MYCL: variants seen among roughly 807,000 people sequenced by gnomAD.
MYCL encodes protein L-Myc.
Under a neutral mutation model 31.0 loss-of-function variants are expected in MYCL, and 11 were observed. The ratio of observed to expected loss-of-function variants is 0.35; its 90% confidence interval spans 0.22 to 0.59. The LOEUF (loss-of-function observed/expected upper bound fraction) is 0.59. Ranked by LOEUF, MYCL falls within the 20% of genes least tolerant of loss-of-function variation. The pLI is 0.79. For missense variants in MYCL, 427 were observed against 486.1 expected, an observed-to-expected ratio of 0.88 and a Z score of 1.14; for synonymous variants, 208 against 202.4, an observed-to-expected ratio of 1.03 and a Z score of -0.23.
chr1:39,899,700 G>C, intron 1 of MYCL: 2 of 985,344 alleles, frequency 2.0e-6, no homozygotes, highest in Non-Finnish European at 2.4e-6. Flanking sequence ...TAGAAAGCAA[G>C]CTGGTTAAAA....
At position 39,899,994 on chromosome 1, in the gene MYCL, C is replaced by A. The variant is rs138185221; in HGVS notation, c.496+945G>T. The stretch of plus-strand genomic sequence containing the variant: ...ATGTAGTTTAGTGGCACAGGATGCC[C>A]CAGTCTGCCCTCAGCGAGGTTGCAC... On this transcript the variant is annotated intron_variant, in intron 1 of 1. Coordinates refer to ENST00000372816, the MANE Select transcript of MYCL (RefSeq NM_001033081.3). The A allele has an allele frequency of 3.1e-4, 307 of 985,450 alleles. No homozygotes were observed. In the African/African-American group the frequency reaches 5.2e-3, roughly 17 times the overall value. 61.0% of individuals were successfully genotyped at this position (985,450 alleles called of 1,614,324 possible).
In MYCL at chr1:39,901,811, G is replaced by A. The variant is rs984937174; in HGVS notation, c.-377C>T. ...CCCTGGCCACCCGCAGCCTCACCTC[G>A]CTCCAGCCGCCCGCCACCTGGAGCG... On this transcript the variant is annotated 5_prime_UTR_variant, in exon 1 of 2. Transcript: ENST00000372816. This position sits in a 1 kb window ranked among gnomAD's most constrained non-coding sequence, Gnocchi z 6.9. 1 of 1,275,648 alleles carries A rather than the reference G, an allele frequency of 7.8e-7. No individual in the cohort carries two copies. The highest frequency in any genetic ancestry group is 1.0e-6 in the Non-Finnish European group (1 of 999,768). 79.0% of individuals were successfully genotyped at this position (1,275,648 alleles called of 1,614,324 possible).
chr1:39,901,755 G>A lies in MYCL; in HGVS notation c.-321C>T. 8.2e-7 allele frequency: 1 copy of A among 1,217,744 alleles called. No homozygotes were observed. The highest frequency in any genetic ancestry group is 2.7e-5 in the South Asian group (1 of 36,540). 75.4% of individuals were successfully genotyped at this position (1,217,744 alleles called of 1,614,324 possible). A position where few individuals can be genotyped will look rare whatever the true frequency, so the allele number is the denominator to read the frequency against. Reference sequence around the variant, plus strand: ...CGCCGTGCCCAGAAGGCAGCCTGCAGCCAGCCCGCACCGCGGGACCCGCGC... The same window carrying A: ...CGCCGTGCCCAGAAGGCAGCCTGCAACCAGCCCGCACCGCGGGACCCGCGC... On this transcript the variant is annotated 5_prime_UTR_variant, in exon 1 of 2. Transcript: ENST00000372816. This position sits in a 1 kb window ranked among gnomAD's most constrained non-coding sequence, Gnocchi z 6.9.
At chr1:39,899,625 T>C in intron 1 of MYCL, 2 of 985,398 alleles carry the variant, frequency 2.0e-6, no homozygotes, top group Non-Finnish European at 2.4e-6. Context: ...TAGAGATACA[T>C]CTTTATTGGT....
rs988669391 is a variant in MYCL, at chr1:39,897,179, G to A, written c.*193C>T. On this transcript the variant is annotated 3_prime_UTR_variant, in exon 2 of 2. Transcript: ENST00000372816. The surrounding 1 kb of genome is among the most constrained non-coding windows in gnomAD (Gnocchi z 4.3). ...TACAGCACTCCCATGAGTCAGGGAA[G>A]AGGGAGAGCTGGGTTTCAAGGTTTC... 7.8e-6 allele frequency: 5 copies of A among 641,814 alleles called. No homozygotes were observed. The highest frequency in any genetic ancestry group is 7.2e-5 in the African/African-American group (4 of 55,454). The allele number at this position is 641,814 out of a possible 1,614,324, so 39.8% of individuals were successfully genotyped here.
Position 39,901,015 on chromosome 1 carries a change from C to T in MYCL, c.420G>A (p.Pro140=), listed in dbSNP as rs1438270489. ...DCTPSLEAGN[P]APAAPCPLGE... ...CCAGCGGACAGGGGGCGGCGGGCGC[C>T]GGGTTGCCGGCTTCGAGGCTGGGAG... The change falls in exon 1 of 2, where the codon CCG becomes CCA. Residue 140 remains proline (P), a synonymous_variant. Transcript: ENST00000372816. The surrounding 1 kb of genome is among the most constrained non-coding windows in gnomAD (Gnocchi z 6.9). 9 of 1,492,318 alleles carry T rather than the reference C, an allele frequency of 6.0e-6. No homozygotes were observed. The highest frequency in any genetic ancestry group is 7.1e-6 in the Non-Finnish European group (8 of 1,122,730). The allele number at this position is 1,492,318 out of a possible 1,614,324, so 92.4% of individuals were successfully genotyped here.
rs371524528 is a variant in MYCL at position 39,897,512 on chromosome 1, T to C, written c.955A>G (p.Lys319Glu). The C allele has an allele frequency of 1.9e-6, 3 of 1,614,096 alleles. No homozygotes were observed. Among genetic ancestry groups the C allele is most frequent in the Non-Finnish European group, 2.5e-6 (3 of 1,180,046 alleles). ...AAGGCCTTGCTTAGGATCACTACTTTGGGGGCCTTGGAGCAGCTGGCCAGG... is the reference window on the plus strand; with the variant it reads ...AAGGCCTTGCTTAGGATCACTACTTCGGGGGCCTTGGAGCAGCTGGCCAGG... ...PTLASCSKAP[K>E]VVILSKALEY... is the part of the protein sequence containing the mutation. The change falls in exon 2 of 2, where the codon AAA (lysine) becomes GAA (glutamate). Residue 319 changes from lysine (K) to glutamate (E), a missense_variant. Transcript: ENST00000372816. The surrounding 1 kb of genome is among the most constrained non-coding windows in gnomAD (Gnocchi z 4.3).
At position 39,901,125 on chromosome 1, in the gene MYCL, G is replaced by T. The variant is rs1473761465; in HGVS notation, c.310C>A (p.Arg104=). The T allele has an allele frequency of 6.2e-7, 1 of 1,605,950 alleles. No homozygotes were observed. Among genetic ancestry groups the T allele is most frequent in the Non-Finnish European group, 8.5e-7 (1 of 1,176,762 alleles). Residue 104 remains arginine (R), a synonymous_variant, in exon 1 of 2, where the codon CGG becomes AGG. Transcript: ENST00000372816. The surrounding 1 kb of genome is among the most constrained non-coding windows in gnomAD (Gnocchi z 6.9). ...CGGTCGCTCACAGCTCTCTCCAGCC[G>T]TTCCCGGGCCGAGAAGCCGCTCCAC... The part of the protein sequence containing the change: ...CMWSGFSARE[R]LERAVSDRLA...
Position 39,897,558 on chromosome 1 carries a change from C to T in MYCL, c.909G>A (p.Ala303=), listed in dbSNP as rs755777582. 19 of 1,614,088 alleles carry T rather than the reference C, an allele frequency of 1.2e-5. No homozygotes were observed. In the East Asian group the frequency reaches 1.8e-4, roughly 15 times the overall value. ...RRNDLRSRFL[A]LRDQVPTLAS... ...CCAGGGTGGGCACCTGGTCCCTCAG[C>T]GCCAAGAATCGCGAACGCAGGTCAT... is the stretch of plus-strand genomic sequence containing the variant. Residue 303 remains alanine, a synonymous_variant, in exon 2 of 2, where the codon GCG becomes GCA. Transcript: ENST00000372816. This position sits in a 1 kb window ranked among gnomAD's most constrained non-coding sequence, Gnocchi z 4.3.
At chr1:39,898,952 C>G in intron 1 of MYCL, 1 of 985,490 alleles carries the variant, frequency 1.0e-6, no homozygotes, top group African/African-American at 1.7e-5. Context: ...CTTAATGGAT[C>G]TCGGCCTCGC....
chr1:39,897,470 G>A lies in MYCL; in HGVS notation c.997C>T (p.Leu333=). The change falls in exon 2 of 2, where the codon CTG becomes TTG. Residue 333 remains leucine (L), a synonymous_variant. Transcript: ENST00000372816. This position sits in a 1 kb window ranked among gnomAD's most constrained non-coding sequence, Gnocchi z 4.3. ...LSKALEYLQA[L]VGAEKRMATE... Reference sequence around the variant, plus strand: ...GCCATCCTCTTCTCAGCCCCCACCAGGGCTTGCAAGTATTCCAAGGCCTTG... The same window carrying A: ...GCCATCCTCTTCTCAGCCCCCACCAAGGCTTGCAAGTATTCCAAGGCCTTG... 1 of 1,614,182 alleles carries A rather than the reference G, an allele frequency of 6.2e-7. No homozygotes were observed. Among genetic ancestry groups the A allele is most frequent in the Non-Finnish European group, 8.5e-7 (1 of 1,180,014 alleles).
intron 1 of MYCL, chr1:39,900,120 G>A (rs371430000): frequency 1.7e-5 from 17 of 985,454 alleles, no homozygotes; most frequent in Non-Finnish European, 1.9e-5. Flanking sequence ...AATATTTGTT[G>A]AATGCCAGGG....
rs769994648 is a variant in MYCL, at chr1:39,897,616, T to C, written c.851A>G (p.Lys284Arg). The stretch of plus-strand genomic sequence containing the variant: ...CTTGCGCTCCAGGAAGTTGTGATTC[T>C]TCCTCTTGGTCACATCCTCAGTATC... Reference protein sequence around the residue: ...SSDTEDVTKRKNHNFLERKRR... With the variant: ...SSDTEDVTKRRNHNFLERKRR... The change falls in exon 2 of 2, where the codon AAG becomes AGG. Residue 284 changes from lysine (K) to arginine (R), a missense_variant. Lys to Arg is a conservative substitution (Grantham distance 26, BLOSUM62 2). Transcript: ENST00000372816. This position sits in a 1 kb window ranked among gnomAD's most constrained non-coding sequence, Gnocchi z 4.3. 6.2e-7 allele frequency: 1 copy of C among 1,614,240 alleles called. No homozygotes were observed. The highest frequency in any genetic ancestry group is 8.5e-7 in the Non-Finnish European group (1 of 1,180,048).
chr1:39,901,290 G>A lies in MYCL; in HGVS notation c.145C>T (p.Pro49Ser), dbSNP rs200396403. ...CCGGGGGCCGGGTCCCCTGCGCCGG[G>A]ACCCAAGCCCCAGGGCGGCGACGTG... is the stretch of plus-strand genomic sequence containing the variant. ...PPTSPPWGLGPGAGDPAPGIG... is the reference protein window; with the variant it reads ...PPTSPPWGLGSGAGDPAPGIG... The change falls in exon 1 of 2, where the codon CCC becomes TCC. Residue 49 changes from proline (P) to serine (S), a missense_variant. By Grantham distance (74) the Pro-to-Ser change is moderately conservative. Transcript: ENST00000372816. This position sits in a 1 kb window ranked among gnomAD's most constrained non-coding sequence, Gnocchi z 6.9. 698 of 1,601,596 alleles carry A rather than the reference G, an allele frequency of 4.4e-4. No individual in the cohort carries two copies. The highest frequency in any genetic ancestry group is 5.3e-4 in the Non-Finnish European group (617 of 1,174,686).
chr1:39,896,669 C>T lies in MYCL; in HGVS notation c.*703G>A, dbSNP rs1570180385. On this transcript the variant is annotated 3_prime_UTR_variant, in exon 2 of 2. Coordinates refer to ENST00000372816, the MANE Select transcript of MYCL (RefSeq NM_001033081.3). ...CCCTTGTGAGGAAAGAAAGGTCCCT[C>T]CCTCAGAGGAGAGAGCCCAGAGGGC... 4.7e-6 allele frequency: 1 copy of T among 211,552 alleles called. No homozygotes were observed. Among genetic ancestry groups the T allele is most frequent in the Admixed American group, 5.9e-5 (1 of 16,972 alleles). The allele number at this position is 211,552 out of a possible 1,614,324, so 13.1% of individuals were successfully genotyped here.
rs1644542986 is a variant in MYCL at position 39,901,737 on chromosome 1, C to G, written c.-303G>C. ...CGGGGCCGGGCGGGGGCGCGCCGTGCCCAGAAGGCAGCCTGCAGCCAGCCC... is the reference window on the plus strand; with the variant it reads ...CGGGGCCGGGCGGGGGCGCGCCGTGGCCAGAAGGCAGCCTGCAGCCAGCCC... On this transcript the variant is annotated 5_prime_UTR_variant, in exon 1 of 2. Coordinates refer to ENST00000372816, the MANE Select transcript of MYCL (RefSeq NM_001033081.3). This position sits in a 1 kb window ranked among gnomAD's most constrained non-coding sequence, Gnocchi z 6.9. The G allele has an allele frequency of 4.1e-6, 5 of 1,215,884 alleles. No homozygotes were observed. The East Asian group carries it at 1.9e-4, about 47-fold the overall frequency. The allele number at this position is 1,215,884 out of a possible 1,614,324, so 75.3% of individuals were successfully genotyped here. A position where few individuals can be genotyped will look rare whatever the true frequency, so the allele number is the denominator to read the frequency against.
In MYCL at chr1:39,901,620, G is replaced by C; in HGVS notation, c.-186C>G. On this transcript the variant is annotated 5_prime_UTR_variant, in exon 1 of 2. Transcript: ENST00000372816. This position sits in a 1 kb window ranked among gnomAD's most constrained non-coding sequence, Gnocchi z 6.9. ...CGGGCCCCGGGTCAGAGTGGTAGGG[G>C]AAGCCAATCGCAGCGCGCGGACCCG... The C allele has an allele frequency of 7.2e-7, 1 of 1,398,148 alleles. No individual in the cohort carries two copies. Among genetic ancestry groups the C allele is most frequent in the Non-Finnish European group, 9.2e-7 (1 of 1,084,544 alleles). 86.6% of individuals were successfully genotyped at this position (1,398,148 alleles called of 1,614,324 possible). A position where few individuals can be genotyped will look rare whatever the true frequency, so the allele number is the denominator to read the frequency against.
At chr1:39,900,438 C>T in intron 1 of MYCL, 2 of 994,316 alleles carry the variant, frequency 2.0e-6, no homozygotes, top group Non-Finnish European at 2.4e-6. Flanking sequence ...TGGGGAGGCA[C>T]GAGAAGAGGG....
At position 39,901,065 on chromosome 1, in the gene MYCL, T is replaced by TGG; in HGVS notation, c.368_369dup (p.Lys124ProfsTer51). 4 of 1,559,754 alleles carry TGG rather than the reference T, an allele frequency of 2.6e-6. No homozygotes were observed. The highest frequency in any genetic ancestry group is 3.5e-6 in the Non-Finnish European group (4 of 1,152,712). ...GTGCAGTCCGGGGCGGCGGACGCCT[T>TGG]GGGCGGGTTCCCCCGGGGCGCGCCA... On this transcript the variant is annotated frameshift_variant, in exon 1 of 2. Coordinates refer to ENST00000372816, the MANE Select transcript of MYCL (RefSeq NM_001033081.3). LOFTEE classifies it high-confidence loss of function. The surrounding 1 kb of genome is among the most constrained non-coding windows in gnomAD (Gnocchi z 6.9).
Sources: gnomAD v4.1 joint callset for allele counts on GRCh38, gnomAD v4.1.1 for gene constraint, Gnocchi (gnomAD v3.1) non-coding constraint, MANE v1.5 for transcripts, NCBI Gene and HGNC (gene_info 2026-07-23, HGNC 2026-07-21) for gene names.